Variants in ITPK1 observed in about 807,000 individuals in gnomAD.
ITPK1 encodes inositol-tetrakisphosphate 1-kinase, also known as inositol 1,3,4-trisphosphate 5/6-kinase.
ITPK1 carries 21 observed loss-of-function variants against 45.3 expected under a neutral mutation model. The ratio of observed to expected loss-of-function variants is 0.46; its 90% confidence interval spans 0.33 to 0.67. ITPK1 has a LOEUF of 0.67. ITPK1 is among the 30% of genes least tolerant of loss of function. ITPK1 has a pLI of 0.02. For synonymous variants in ITPK1, 258 were observed against 253.6 expected (o/e 1.02, Z -0.16); for missense variants, 474 against 573.5 (o/e 0.83, Z 1.77).
At chr14:93,105,804 A>T (rs1291115457) in intron 2 of ITPK1, among the ~76,000 whole-genome samples, 1 of 151,478 alleles carries the variant, frequency 6.6e-6, no homozygotes, top group Non-Finnish European at 1.5e-5. Flanking sequence ...CCCGGGTTCA[A>T]GCGTTTCTCC....
rs541562607 is a variant in ITPK1 at position 92,964,948 on chromosome 14, A to T, written c.365-2099T>A. 1.4e-4 allele frequency among the ~76,000 whole-genome samples: 22 copies of T among 152,316 alleles called. No homozygotes were observed. In the South Asian group the frequency reaches 4.6e-3, roughly 32 times the overall value. ...TACACAGTAACTCATTTACCCTCAT[A>T]AGAACCCCACAAGGAAGCACTCCTG... is the stretch of plus-strand genomic sequence containing the variant. On this transcript the variant is annotated intron_variant, in intron 5 of 10. Transcript: ENST00000267615.
At chr14:92,970,898 G>C (rs949383060) in intron 5 of ITPK1, among the ~76,000 whole-genome samples, 5 of 152,284 alleles carry the variant, frequency 3.3e-5, no homozygotes, top group Middle Eastern at 6.8e-3. Flanking sequence ...GCCTCCCAAA[G>C]TGCTGGGATT....
intron 8 of ITPK1, 76 bp from the exon 9 acceptor site, chr14:92,952,089 G>T (rs1887984394): frequency 1.7e-6 from 2 of 1,191,008 alleles, no homozygotes; most frequent in Non-Finnish European, 2.4e-6. Flanking sequence ...GACACCAGGG[G>T]GCAGCATCAC....
At chr14:93,096,195 C>G (rs1892072041) in intron 2 of ITPK1, among the ~76,000 whole-genome samples, 1 of 152,196 alleles carries the variant, frequency 6.6e-6, no homozygotes, top group East Asian at 1.9e-4. Flanking sequence ...AACCCGCTTC[C>G]CCTGCCTGAG....
chr14:93,056,012 G>A (rs1890202564), intron 3 of ITPK1, among the ~76,000 whole-genome samples: 1 of 152,222 alleles, frequency 6.6e-6, no homozygotes, highest in Non-Finnish European at 1.5e-5. Context: ...TTAGGCCACA[G>A]GAGAGCTCCA....
chr14:92,959,511 T>A (rs1334823436), intron 7 of ITPK1, among the ~76,000 whole-genome samples: 1 of 152,008 alleles, frequency 6.6e-6, no homozygotes, highest in Non-Finnish European at 1.5e-5. Flanking sequence ...GCAGTGAACA[T>A]CTCCTCAGCC....
intron 3 of ITPK1, among the ~76,000 whole-genome samples, chr14:93,073,346 G>T (rs1007252550): frequency 6.6e-6 from 1 of 152,164 alleles, no homozygotes; most frequent in African/African-American, 2.4e-5. Context: ...CAGGGAAGAA[G>T]GGCTCCCGAG....
At position 92,941,403 on chromosome 14, in the gene ITPK1, C is replaced by T; in HGVS notation, c.*158G>A. On this transcript the variant is annotated 3_prime_UTR_variant, in exon 11 of 11. Coordinates refer to ENST00000267615, the MANE Select transcript of ITPK1 (RefSeq NM_014216.6). ...TACTCTCTTCCATCCCCCACTACCC[C>T]TCATTTAGATCATGACATCAGAGAA... 1.4e-6 allele frequency: 2 copies of T among 1,419,752 alleles called. No individual in the cohort carries two copies. 87.9% of individuals were successfully genotyped at this position (1,419,752 alleles called of 1,614,324 possible). A position where few individuals can be genotyped will look rare whatever the true frequency, so the allele number is the denominator to read the frequency against.
chr14:93,010,951 A>C (rs1887867980), intron 4 of ITPK1, among the ~76,000 whole-genome samples: 1 of 152,152 alleles, frequency 6.6e-6, no homozygotes, highest in Non-Finnish European at 1.5e-5. Context: ...ATTCACAGTA[A>C]GCGTGGCTGA....
chr14:92,965,737 C>T (rs1217107157), intron 5 of ITPK1, among the ~76,000 whole-genome samples: 1 of 152,188 alleles, frequency 6.6e-6, no homozygotes, highest in African/African-American at 2.4e-5. Context: ...GGCATGGTGG[C>T]TCACGCCTGT....
At chr14:92,963,529 A>T (rs1885195207) in intron 5 of ITPK1, among the ~76,000 whole-genome samples, 1 of 151,950 alleles carries the variant, frequency 6.6e-6, no homozygotes, top group African/African-American at 2.4e-5. Context: ...TGGCCTCCCC[A>T]CCACGCTCAC....
In ITPK1 at chr14:92,955,319, C is replaced by G. The variant is rs1884640009; in HGVS notation, c.670+2882G>C. ...AAAAAAAAGTTTGCTGCCTCCCGCTCTACATGGTGAGAGGTACCACTCATG... is the reference window on the plus strand; with the variant it reads ...AAAAAAAAGTTTGCTGCCTCCCGCTGTACATGGTGAGAGGTACCACTCATG... On this transcript the variant is annotated intron_variant, in intron 8 of 10. Transcript: ENST00000267615. Among the ~76,000 whole-genome samples the G allele has an allele frequency of 2.0e-5, 3 of 152,230 alleles. No individual in the cohort carries two copies. In the South Asian group the frequency reaches 6.2e-4, roughly 31 times the overall value.
At chr14:93,112,211 G>A (rs1379967844) in intron 2 of ITPK1, among the ~76,000 whole-genome samples, 1 of 152,152 alleles carries the variant, frequency 6.6e-6, no homozygotes, top group African/African-American at 2.4e-5. Flanking sequence ...AAGGTAGCCA[G>A]GTTGGACCCA....
At chr14:93,066,081 T>C in intron 3 of ITPK1, 1 of 310,070 alleles carries the variant, frequency 3.2e-6, no homozygotes, top group Middle Eastern at 4.1e-4. Context: ...TACATATTAC[T>C]TAATGAGCAA....
intron 2 of ITPK1, among the ~76,000 whole-genome samples, chr14:93,083,897 G>T (rs1320125205): frequency 6.6e-6 from 1 of 152,142 alleles, no homozygotes; most frequent in East Asian, 1.9e-4. Flanking sequence ...AGAGAGAAAG[G>T]CTGCTGGACT....
chr14:93,087,784 C>T (rs1318773913), intron 2 of ITPK1, among the ~76,000 whole-genome samples: 4 of 152,324 alleles, frequency 2.6e-5, no homozygotes, highest in Middle Eastern at 6.8e-3. Context: ...CTTCAACAGT[C>T]AATGAGGAGT....
chr14:93,071,880 A>C (rs1891018637), intron 3 of ITPK1: 1 of 152,206 alleles, frequency 6.6e-6, no homozygotes. Context: ...TCCTGTGATC[A>C]TAAAGCTCTG....
intron 7 of ITPK1, among the ~76,000 whole-genome samples, chr14:92,961,154 C>T (rs1055723866): frequency 3.9e-5 from 6 of 152,252 alleles, no homozygotes; most frequent in South Asian, 2.1e-4. Context: ...AAGCCTTCCC[C>T]AGAGAGCCCA....
At chr14:93,066,561 C>T (rs929917318) in intron 3 of ITPK1, among the ~76,000 whole-genome samples, 4 of 152,004 alleles carry the variant, frequency 2.6e-5, no homozygotes, top group African/African-American at 9.7e-5. Flanking sequence ...CCTGCCACCA[C>T]GCCCAGCTAA....
Sources: allele counts gnomAD v4.1 joint callset (sites outside exome capture counted in the v4.1 genomes callset), GRCh38; gene constraint gnomAD v4.1.1; transcripts MANE v1.5; gene names NCBI Gene and HGNC (gene_info 2026-07-23, HGNC 2026-07-21).